Variants in CNKSR2 observed in about 807,000 individuals in gnomAD.
CNKSR2 encodes the protein connector enhancer of kinase suppressor of Ras 2, also known as CNK homolog protein 2.
Under a neutral mutation model 84.4 loss-of-function variants are expected in CNKSR2, and 14 were observed. That is an observed-to-expected ratio of 0.17 (90% confidence interval 0.11 to 0.26). CNKSR2 has a LOEUF of 0.26. Among genes scored for constraint, CNKSR2 ranks in the 10% least tolerant of loss-of-function variants. The pLI is 1.00. For missense variants in CNKSR2, 485 were observed against 771.2 expected (o/e 0.63, Z 4.40); for synonymous variants, 275 against 277.9 (o/e 0.99, Z 0.10).
chrX:21,617,688 G>T (rs978730260), intron 20 of CNKSR2, among the ~76,000 whole-genome samples: 1 of 111,130 alleles, frequency 9.0e-6, no homozygotes, highest in Non-Finnish European at 1.9e-5. Context: ...ATCAGTTAGA[G>T]TTCCTCTAAA....
intron 20 of CNKSR2, among the ~76,000 whole-genome samples, chrX:21,614,723 A>G (rs745827793): frequency 7.2e-5 from 8 of 111,791 alleles, no homozygotes; most frequent in Non-Finnish European, 9.4e-5. Context: ...TTAGATTTTT[A>G]ATTACACCTC....
At chrX:21,510,980 A>G (rs2091665283) in intron 8 of CNKSR2, among the ~76,000 whole-genome samples, 1 of 111,881 alleles carries the variant, frequency 8.9e-6, no homozygotes, top group South Asian at 3.7e-4. Context: ...TGGTGGTTTT[A>G]TAAAGGTTCA....
rs780572202 is a variant in CNKSR2, at chrX:21,649,047, G to A, written c.2889+20G>A. 1.8e-6 allele frequency: 2 copies of A among 1,098,033 alleles called. No individual in the cohort carries two copies. Among genetic ancestry groups the A allele is most frequent in the Non-Finnish European group, 2.5e-6 (2 of 810,855 alleles). 90.5% of individuals were successfully genotyped at this position (1,098,033 alleles called of 1,213,427 possible). A position where few individuals can be genotyped will look rare whatever the true frequency, so the allele number is the denominator to read the frequency against. ...TTAAAGGTAAGACAAGAAATGGAAG[G>A]ACAAATTTCTTTGAAGAGATTCATT... On this transcript the variant is annotated intron_variant, in intron 21 of 21. Coordinates refer to ENST00000379510, the MANE Select transcript of CNKSR2 (RefSeq NM_014927.5).
chrX:21,494,351 C>CT (rs2091471660), intron 6 of CNKSR2: 1 of 112,344 alleles, frequency 8.9e-6, no homozygotes, highest in African/African-American at 3.2e-5. Context: ...TCAACTTCTG[C>CT]TTACAGTTGT....
At chrX:21,577,852 A>T (rs983710144) in intron 13 of CNKSR2, among the ~76,000 whole-genome samples, 8 of 111,196 alleles carry the variant, frequency 7.2e-5, no homozygotes, top group African/African-American at 2.3e-4. Flanking sequence ...CTCAGCCTCC[A>T]CAAAACTATG....
intron 5 of CNKSR2, among the ~76,000 whole-genome samples, chrX:21,479,262 T>G (rs779094658): frequency 9.0e-6 from 1 of 111,662 alleles, no homozygotes; most frequent in African/African-American, 3.3e-5. Flanking sequence ...TATGGCTCAG[T>G]AGTATTCCAT....
chrX:21,582,394 C>A (rs1339926246), intron 13 of CNKSR2, among the ~76,000 whole-genome samples: 1 of 112,107 alleles, frequency 8.9e-6, no homozygotes, highest in Non-Finnish European at 1.9e-5. Context: ...CATCACCTGT[C>A]ATGAGATGTT....
intron 4 of CNKSR2, among the ~76,000 whole-genome samples, chrX:21,446,694 T>G (rs2090860188): frequency 1.8e-5 from 2 of 111,316 alleles, no homozygotes; most frequent in Non-Finnish European, 3.8e-5. Context: ...AGAGTCGCCC[T>G]GCCAAAGCGC....
At chrX:21,420,954 T>G (rs764139027) in intron 1 of CNKSR2, among the ~76,000 whole-genome samples, 1 of 111,267 alleles carries the variant, frequency 9.0e-6, no homozygotes, top group South Asian at 3.9e-4. Flanking sequence ...AGAACTCTCC[T>G]AGGATTTGCA....
intron 17 of CNKSR2, among the ~76,000 whole-genome samples, chrX:21,596,288 CT>C (rs1258883606): frequency 9.1e-6 from 1 of 109,381 alleles, no homozygotes; most frequent in African/African-American, 3.3e-5. Flanking sequence ...CCAATCTCAG[CT>C]CTACACTGAT....
chrX:21,475,363 T>A (rs750929362), intron 5 of CNKSR2, among the ~76,000 whole-genome samples: 17 of 112,198 alleles, frequency 1.5e-4, no homozygotes, highest in African/African-American at 5.2e-4. Flanking sequence ...TAAGTATTTT[T>A]AACAAATGAG....
chrX:21,514,282 G>T (rs748243644), intron 8 of CNKSR2, among the ~76,000 whole-genome samples: 1 of 111,590 alleles, frequency 9.0e-6, no homozygotes, highest in Admixed American at 9.6e-5. Context: ...GGGAGCCAAA[G>T]ATATATACTA....
intron 1 of CNKSR2, among the ~76,000 whole-genome samples, chrX:21,393,037 G>T (rs2090072601): frequency 8.9e-6 from 1 of 112,047 alleles, no homozygotes; most frequent in South Asian, 3.7e-4. Context: ...AAAACTTAAT[G>T]CATTAACCTG....
At chrX:21,640,787 T>G (rs185250321) in intron 20 of CNKSR2, among the ~76,000 whole-genome samples, 1 of 112,351 alleles carries the variant, frequency 8.9e-6, no homozygotes, top group Admixed American at 9.5e-5. Flanking sequence ...TAAAATGACC[T>G]AAAAGAGGGT....
At chrX:21,557,334 A>G (rs1242450702) in intron 11 of CNKSR2, among the ~76,000 whole-genome samples, 1 of 111,361 alleles carries the variant, frequency 9.0e-6, no homozygotes, top group Non-Finnish European at 1.9e-5. Flanking sequence ...ATTGCGCTGA[A>G]TATAGTCCAT....
chrX:21,616,126 G>A (rs1469749658), intron 20 of CNKSR2, among the ~76,000 whole-genome samples: 2 of 111,558 alleles, frequency 1.8e-5, no homozygotes, highest in African/African-American at 6.5e-5. Flanking sequence ...TGACAACCCA[G>A]TCTGACCCAG....
chrX:21,598,776 G>A (rs1394206451), intron 17 of CNKSR2, among the ~76,000 whole-genome samples: 1 of 112,557 alleles, frequency 8.9e-6, no homozygotes, highest in Admixed American at 9.4e-5. Context: ...CTAAGATATG[G>A]AAATCATGAA....
chrX:21,636,809 A>C (rs1388849586), intron 20 of CNKSR2, among the ~76,000 whole-genome samples: 3 of 110,798 alleles, frequency 2.7e-5, no homozygotes, highest in Non-Finnish European at 5.7e-5. Context: ...GTATATATAT[A>C]TATACACCCA....
intron 1 of CNKSR2, among the ~76,000 whole-genome samples, chrX:21,385,788 C>T (rs1251246306): frequency 9.0e-6 from 1 of 111,190 alleles, no homozygotes; most frequent in Non-Finnish European, 1.9e-5. Flanking sequence ...TCCATCAGAC[C>T]TACCTTCTCT....
Sources: gnomAD v4.1 joint callset for allele counts (sites outside exome capture counted in the v4.1 genomes callset) on GRCh38, gnomAD v4.1.1 for gene constraint, MANE v1.5 for transcripts, NCBI Gene and HGNC (gene_info 2026-07-23, HGNC 2026-07-21) for gene names.